Variants in SEMA3A observed in about 807,000 individuals in gnomAD.
The protein encoded by SEMA3A is semaphorin-3A.
Under a neutral mutation model 97.9 loss-of-function variants are expected in SEMA3A, and 29 were observed. The ratio of observed to expected loss-of-function variants is 0.30; its 90% CI spans 0.22 to 0.40. The LOEUF is 0.40. Among genes scored for constraint, SEMA3A ranks in the 10% least tolerant of loss-of-function variants. The pLI, the probability that SEMA3A is intolerant of heterozygous loss-of-function variation, is 1.00. For missense variants in SEMA3A, 763 were observed against 951.3 expected, an observed-to-expected ratio of 0.80 and a Z score of 2.60; for synonymous variants, 321 against 323.7, an observed-to-expected ratio of 0.99 and a Z score of 0.09.
At chr7:84,441,536 A>C (rs1323165165) in intron 1 of SEMA3A, among the ~76,000 whole-genome samples, 1 of 152,082 alleles carries the variant, frequency 6.6e-6, no homozygotes, top group Non-Finnish European at 1.5e-5. Flanking sequence ...AAAACTGAAC[A>C]ATGCCTTAGA....
intron 3 of SEMA3A, among the ~76,000 whole-genome samples, chr7:84,204,935 C>T (rs74490213): frequency 0.023 from 3,534 of 152,290 alleles, 156 homozygotes; most frequent in African/African-American, 0.081. Context: ...ATTTGAGATC[C>T]TCCATCTTTT....
chr7:84,422,822 A>C (rs1453848759), intron 1 of SEMA3A, among the ~76,000 whole-genome samples: 9 of 151,808 alleles, frequency 5.9e-5, no homozygotes, highest in Non-Finnish European at 1.3e-4. Context: ...AATTGGTATC[A>C]GTAAAAAGTA....
rs1395907731 is a variant in SEMA3A at position 84,368,859 on chromosome 7, TATA to T, written c.-169+2962_-169+2964del. Among the ~76,000 whole-genome samples the T allele has an allele frequency of 3.3e-5, 5 of 150,986 alleles. No homozygotes were observed. In the Admixed American group the frequency reaches 3.3e-4, roughly 10 times the overall value. ...TACACAAAAACACATATATAGGCTA[TATA>T]ATAACAAGTGTAAGATAAAGTTATA... On this transcript the variant is annotated intron_variant, in intron 2 of 3. Transcript: ENST00000424555.
chr7:84,424,479 AAT>A (rs1436157507), intron 1 of SEMA3A, among the ~76,000 whole-genome samples: 4 of 112,832 alleles, frequency 3.5e-5, no homozygotes, highest in Non-Finnish European at 6.7e-5. Context: ...TACAATATAT[AAT>A]ATATTGATAT....
chr7:84,357,858 G>T (rs1802608516), intron 2 of SEMA3A, among the ~76,000 whole-genome samples: 1 of 151,882 alleles, frequency 6.6e-6, no homozygotes, highest in Non-Finnish European at 1.5e-5. Context: ...TCTCATTGTG[G>T]TTTTGATTTG....
At chr7:84,408,099 A>C (rs921588061) in intron 1 of SEMA3A, among the ~76,000 whole-genome samples, 4 of 152,258 alleles carry the variant, frequency 2.6e-5, no homozygotes, top group African/African-American at 9.6e-5. Context: ...CATCAGAGTG[A>C]ATAGGCAACC....
intron 3 of SEMA3A, among the ~76,000 whole-genome samples, chr7:84,306,975 C>T (rs1348116100): frequency 1.3e-5 from 2 of 151,810 alleles, no homozygotes; most frequent in Non-Finnish European, 2.9e-5. Context: ...GGTAGCAATC[C>T]ACCTCTTGAC....
At chr7:84,006,393 G>C (rs1306640645) in intron 10 of SEMA3A, among the ~76,000 whole-genome samples, 1 of 151,924 alleles carries the variant, frequency 6.6e-6, no homozygotes, top group Non-Finnish European at 1.5e-5. Flanking sequence ...TTAAGGAAAA[G>C]TGTTATTCAA....
At chr7:84,218,737 C>G (rs953857073) in intron 3 of SEMA3A, among the ~76,000 whole-genome samples, 4 of 151,920 alleles carry the variant, frequency 2.6e-5, no homozygotes, top group Admixed American at 2.0e-4. Context: ...TTAGCATGAC[C>G]TTATCTTCCT....
chr7:84,326,238 G>T (rs942088982), intron 2 of SEMA3A, among the ~76,000 whole-genome samples: 2 of 152,162 alleles, frequency 1.3e-5, no homozygotes, highest in Non-Finnish European at 2.9e-5. Flanking sequence ...AAAGATGCAT[G>T]TTGGTTGCTT....
intron 5 of SEMA3A, among the ~76,000 whole-genome samples, chr7:84,059,595 GAA>G (rs1173169205): frequency 1.3e-5 from 2 of 151,650 alleles, no homozygotes; most frequent in African/African-American, 2.4e-5. Flanking sequence ...TTTTAGATTT[GAA>G]AAGTTTCATT....
At chr7:84,475,543 T>C (rs1806260818) in intron 1 of SEMA3A, among the ~76,000 whole-genome samples, 4 of 152,208 alleles carry the variant, frequency 2.6e-5, no homozygotes, top group African/African-American at 4.8e-5. Context: ...TATATAAAAA[T>C]ATGATCACAA....
intron 5 of SEMA3A, among the ~76,000 whole-genome samples, chr7:84,049,982 G>C (rs1390897478): frequency 1.3e-5 from 2 of 149,072 alleles, no homozygotes; most frequent in African/African-American, 5.0e-5. Context: ...TTTTGTTCTT[G>C]CGATAGTTTA....
chr7:84,313,327 T>A (rs530749090), intron 2 of SEMA3A, among the ~76,000 whole-genome samples: 1 of 127,368 alleles, frequency 7.9e-6, no homozygotes, highest in African/African-American at 3.2e-5. Context: ...GTGTATATAA[T>A]ACATATATAT....
chr7:83,985,469 A>C lies in SEMA3A; in HGVS notation c.1461T>G (p.Thr487=). 1 of 1,609,504 alleles carries C rather than the reference A, an allele frequency of 6.2e-7. No homozygotes were observed. Among genetic ancestry groups the C allele is most frequent in the African/African-American group, 1.3e-5 (1 of 74,872 alleles). Residue 487 remains threonine, a synonymous_variant, in exon 13 of 17, where the codon ACT becomes ACG. Transcript: ENST00000265362. ...LEEMTVFREP[T]AISAMELSTK... is the part of the protein sequence containing the mutation. ...TGGAAAGCTCCATTGCTGAAATAGCAGTCGGTTCCTAAAGGAGAAAAAGAA... is the reference window on the plus strand; with the variant it reads ...TGGAAAGCTCCATTGCTGAAATAGCCGTCGGTTCCTAAAGGAGAAAAAGAA...
intron 1 of SEMA3A, among the ~76,000 whole-genome samples, chr7:84,490,161 A>G (rs1806682347): frequency 6.6e-6 from 1 of 151,440 alleles, no homozygotes; most frequent in South Asian, 2.1e-4. Context: ...GAACCATTTA[A>G]AAAATGTAAG....
At chr7:84,342,980 A>G (rs1366808454) in intron 2 of SEMA3A, among the ~76,000 whole-genome samples, 2 of 152,196 alleles carry the variant, frequency 1.3e-5, no homozygotes, top group Admixed American at 1.3e-4. Flanking sequence ...TAATACAACT[A>G]ATGAGTATTT....
intron 3 of SEMA3A, among the ~76,000 whole-genome samples, chr7:84,228,109 T>C (rs969516289): frequency 2.6e-5 from 4 of 151,948 alleles, no homozygotes; most frequent in African/African-American, 9.7e-5. Context: ...TGTGGCAACA[T>C]AGATGTACTC....
At chr7:83,972,553 A>C (rs1441731220) in intron 15 of SEMA3A, among the ~76,000 whole-genome samples, 1 of 152,084 alleles carries the variant, frequency 6.6e-6, no homozygotes, top group African/African-American at 2.4e-5. Context: ...TGTTTCATTT[A>C]CTTTTCCCCA....
Sources: gnomAD v4.1 joint callset for allele counts (sites outside exome capture counted in the v4.1 genomes callset) on GRCh38, gnomAD v4.1.1 for gene constraint, MANE v1.5 for transcripts, NCBI Gene and HGNC (gene_info 2026-07-23, HGNC 2026-07-21) for gene names.